The following PTPRM variants were observed in gnomAD, a reference collection of about 807,000 sequenced individuals.
The protein encoded by PTPRM is protein tyrosine phosphatase receptor type M.
A neutral mutation model predicts 186.7 loss-of-function variants in PTPRM; 47 were observed. That is an observed-to-expected ratio of 0.25 (90% CI 0.20 to 0.32). The LOEUF (loss-of-function observed/expected upper bound fraction) is 0.32, where lower values mean the gene tolerates loss of function less well. Ranked by LOEUF, PTPRM falls within the 10% of genes least tolerant of loss-of-function variation. PTPRM has a pLI of 1.00. For missense variants in PTPRM, 1,494 were observed against 1,865.0 expected (o/e 0.80, Z 3.66); for synonymous variants, 668 against 674.9 (o/e 0.99, Z 0.16).
chr18:7,975,001 T>A (rs1203549069), intron 7 of PTPRM, among the ~76,000 whole-genome samples: 3 of 152,202 alleles, frequency 2.0e-5, no homozygotes, highest in African/African-American at 7.2e-5. Flanking sequence ...TCTGCATTTT[T>A]AACAAATTCC....
chr18:7,863,788 A>G (rs1383696212), intron 2 of PTPRM, among the ~76,000 whole-genome samples: 1 of 152,150 alleles, frequency 6.6e-6, no homozygotes, highest in Non-Finnish European at 1.5e-5. Flanking sequence ...GTCTTCCACA[A>G]TGGTTGAACT....
chr18:7,584,776 G>A (rs375011543), intron 1 of PTPRM, among the ~76,000 whole-genome samples: 10 of 152,222 alleles, frequency 6.6e-5, no homozygotes, highest in African/African-American at 2.4e-4. Flanking sequence ...AGCACTGAGA[G>A]TGAAATGAGG....
At chr18:8,035,571 T>C (rs1041441189) in intron 7 of PTPRM, among the ~76,000 whole-genome samples, 11 of 152,190 alleles carry the variant, frequency 7.2e-5, no homozygotes, top group African/African-American at 2.7e-4. Flanking sequence ...GTATTATTTT[T>C]ATTGTTTTTT....
chr18:8,208,439 T>C (rs535002800), intron 14 of PTPRM, among the ~76,000 whole-genome samples: 14 of 152,184 alleles, frequency 9.2e-5, no homozygotes, highest in Middle Eastern at 3.4e-3. Context: ...TTATTTGTAC[T>C]ATGGAGAAAA....
chr18:8,300,424 G>A (rs188765892), intron 20 of PTPRM, among the ~76,000 whole-genome samples: 20 of 151,514 alleles, frequency 1.3e-4, no homozygotes, highest in Admixed American at 5.3e-4. Context: ...AACATTGATC[G>A]TTGTTACCTG....
At position 7,888,109 on chromosome 18, in the gene PTPRM, C is replaced by G. The variant is rs2048877989; in HGVS notation, c.200C>G (p.Ser67Cys). The change falls in exon 3 of 33, where the codon TCT becomes TGT. Residue 67 changes from serine to cysteine, a missense_variant. Ser to Cys is a moderately radical substitution (Grantham distance 112). Transcript: ENST00000580170. ...PTSDPWMPSG[S>C]FMLVNASGRP... ...CTCCTTGATTTTGTTTTTGCAGGTTCTTTCATGCTGGTGAATGCCTCTGGG... is the reference window on the plus strand; with the variant it reads ...CTCCTTGATTTTGTTTTTGCAGGTTGTTTCATGCTGGTGAATGCCTCTGGG... 1.9e-6 allele frequency: 3 copies of G among 1,614,096 alleles called. No individual in the cohort carries two copies. The highest frequency in any genetic ancestry group is 2.5e-6 in the Non-Finnish European group (3 of 1,179,988).
chr18:8,253,564 T>C, intron 19 of PTPRM, 150 bp downstream of exon 19: 1 of 768,224 alleles, frequency 1.3e-6, no homozygotes, highest in Non-Finnish European at 1.8e-6. Context: ...CTCAGTATTC[T>C]GGGGGATTGG....
intron 1 of PTPRM, among the ~76,000 whole-genome samples, chr18:7,752,367 T>A (rs546313585): frequency 3.9e-5 from 6 of 152,228 alleles, no homozygotes; most frequent in African/African-American, 1.2e-4. Flanking sequence ...TTTAAAAAAA[T>A]TTCTATAATT....
At chr18:7,649,021 T>C (rs1402001531) in intron 1 of PTPRM, among the ~76,000 whole-genome samples, 3 of 152,236 alleles carry the variant, frequency 2.0e-5, no homozygotes, top group Non-Finnish European at 4.4e-5. Flanking sequence ...TAGGGACTAA[T>C]GCAGCTGGTG....
chr18:8,096,781 G>A (rs766132250), intron 11 of PTPRM, among the ~76,000 whole-genome samples: 56 of 152,202 alleles, frequency 3.7e-4, no homozygotes, highest in Non-Finnish European at 2.2e-4. Context: ...GCCTTTCTTG[G>A]AGAGGATCTT....
intron 14 of PTPRM, chr18:8,154,611 A>C (rs564436501): frequency 6.6e-6 from 1 of 152,364 alleles, no homozygotes; most frequent in African/African-American, 2.4e-5. Context: ...GTCAATTATT[A>C]GCTAAGATTG....
intron 14 of PTPRM, among the ~76,000 whole-genome samples, chr18:8,149,046 T>A (rs1160677093): frequency 6.6e-6 from 1 of 152,144 alleles, no homozygotes; most frequent in Non-Finnish European, 1.5e-5. Context: ...TCTTTTGAAT[T>A]TGCTGAGGAG....
intron 1 of PTPRM, among the ~76,000 whole-genome samples, chr18:7,759,045 T>G (rs1409424204): frequency 1.3e-5 from 2 of 152,202 alleles, no homozygotes; most frequent in Non-Finnish European, 2.9e-5. Context: ...TAGCTTGTCC[T>G]TCAGCAAGGG....
chr18:7,996,848 C>G (rs2066412160), intron 7 of PTPRM, among the ~76,000 whole-genome samples: 1 of 149,218 alleles, frequency 6.7e-6, no homozygotes, highest in South Asian at 2.1e-4. Flanking sequence ...TGAAAGTTTT[C>G]TACAGTGAAA....
At position 7,765,137 on chromosome 18, in the gene PTPRM, A is replaced by G. The variant is rs529419358; in HGVS notation, c.74-9012A>G. Among the ~76,000 whole-genome samples the G allele has an allele frequency of 2.4e-3, 371 of 152,348 alleles. 1 individual carries two copies. Among genetic ancestry groups the G allele is most frequent in the Non-Finnish European group, 4.4e-3 (300 of 68,036 alleles). On this transcript the variant is annotated intron_variant, in intron 1 of 32. Coordinates refer to ENST00000580170, the MANE Select transcript of PTPRM (RefSeq NM_001105244.2). Reference sequence around the variant, plus strand: ...ATTAAAGAAAATTTTACTATCAATAAGAAAAATACATCTTTGTTTGTCGCA... The same window carrying G: ...ATTAAAGAAAATTTTACTATCAATAGGAAAAATACATCTTTGTTTGTCGCA...
intron 28 of PTPRM, among the ~76,000 whole-genome samples, chr18:8,379,711 A>G (rs190684128): frequency 6.6e-6 from 1 of 152,310 alleles, no homozygotes; most frequent in African/African-American, 2.4e-5. Flanking sequence ...ACATAGGGGA[A>G]AGTTCAACTC....
chr18:8,145,875 A>G (rs1271449498), intron 14 of PTPRM, among the ~76,000 whole-genome samples: 1 of 152,202 alleles, frequency 6.6e-6, no homozygotes, highest in Non-Finnish European at 1.5e-5. Context: ...ATCAAATGGT[A>G]TTTGTAGTTC....
chr18:8,137,906 C>G (rs2092675257), intron 13 of PTPRM, among the ~76,000 whole-genome samples: 1 of 152,122 alleles, frequency 6.6e-6, no homozygotes, highest in African/African-American at 2.4e-5. Context: ...GGCTTCTGGC[C>G]TTATTTACTG....
chr18:8,036,160 C>T (rs923354577), intron 7 of PTPRM, among the ~76,000 whole-genome samples: 2 of 152,120 alleles, frequency 1.3e-5, no homozygotes, highest in South Asian at 2.1e-4. Flanking sequence ...CCTCACATGG[C>T]GTCGGGGTAA....
Sources: gnomAD v4.1 joint callset for allele counts (sites outside exome capture counted in the v4.1 genomes callset) on GRCh38, gnomAD v4.1.1 for gene constraint, MANE v1.5 for transcripts, NCBI Gene and HGNC (gene_info 2026-07-23, HGNC 2026-07-21) for gene names.